The following LRRC4C variants were observed in gnomAD, a reference collection of about 807,000 sequenced individuals.
LRRC4C encodes leucine rich repeat containing 4C, also known as leucine-rich repeat-containing protein 4C.
LRRC4C carries 5 observed loss-of-function variants against 33.6 expected under a neutral mutation model. That is an observed-to-expected ratio of 0.15 (90% CI 0.08 to 0.31). The LOEUF is 0.31. Ranked by LOEUF, LRRC4C falls within the 10% of genes least tolerant of loss-of-function variation. LRRC4C has a pLI of 1.00. For missense variants in LRRC4C, 560 were observed against 796.7 expected (o/e 0.70, Z 3.58); for synonymous variants, 329 against 302.0 (o/e 1.09, Z -0.93).
chr11:41,293,448 G>T (rs1263005499), intron 1 of LRRC4C, among the ~76,000 whole-genome samples: 3 of 152,066 alleles, frequency 2.0e-5, no homozygotes, highest in Non-Finnish European at 4.4e-5. Context: ...TTAGACTGTT[G>T]ATGAGAGGCA....
chr11:40,653,607 G>C (rs962634274), intron 2 of LRRC4C, among the ~76,000 whole-genome samples: 1 of 152,142 alleles, frequency 6.6e-6, no homozygotes, highest in African/African-American at 2.4e-5. Context: ...ATATGGTTTG[G>C]AATTGAAACT....
chr11:40,609,551 G>A (rs1327570393), intron 3 of LRRC4C, among the ~76,000 whole-genome samples: 1 of 151,674 alleles, frequency 6.6e-6, no homozygotes, highest in African/African-American at 2.4e-5. Flanking sequence ...CAAAATAAAG[G>A]TTAGAGCAGA....
At chr11:40,239,407 C>T (rs931930212) in intron 5 of LRRC4C, among the ~76,000 whole-genome samples, 1 of 152,092 alleles carries the variant, frequency 6.6e-6, no homozygotes, top group Non-Finnish European at 1.5e-5. Context: ...TTAAATTGAA[C>T]TTAAAATATG....
chr11:40,728,929 G>T (rs1177022459), intron 2 of LRRC4C, among the ~76,000 whole-genome samples: 1 of 142,638 alleles, frequency 7.0e-6, no homozygotes, highest in African/African-American at 2.6e-5. Context: ...CTAATTCTTG[G>T]GTACACATCG....
chr11:40,567,177 G>A (rs1330989760), intron 3 of LRRC4C, among the ~76,000 whole-genome samples: 1 of 152,088 alleles, frequency 6.6e-6, no homozygotes, highest in Non-Finnish European at 1.5e-5. Flanking sequence ...TAATTTTATA[G>A]TACTGCCTCT....
chr11:40,326,397 A>C lies in LRRC4C; in HGVS notation c.-269-6676T>G, dbSNP rs527555140. ...GACATGATGGTGAAACCCAGTCTCTACTAAAAATACAAAAATTAGCTGGGC... is the reference window on the plus strand; with the variant it reads ...GACATGATGGTGAAACCCAGTCTCTCCTAAAAATACAAAAATTAGCTGGGC... On this transcript the variant is annotated intron_variant, in intron 3 of 6. Transcript: ENST00000528697. Among the ~76,000 whole-genome samples the C allele has an allele frequency of 5.9e-5, 9 of 152,198 alleles. No individual in the cohort carries two copies. The East Asian group carries it at 1.7e-3, about 29-fold the overall frequency.
At chr11:40,364,078 G>A (rs1295279923) in intron 3 of LRRC4C, among the ~76,000 whole-genome samples, 2 of 152,036 alleles carry the variant, frequency 1.3e-5, no homozygotes, top group African/African-American at 4.8e-5. Context: ...ATAGCACTAT[G>A]TAACTTAACT....
chr11:40,178,917 A>T (rs1860742344), intron 5 of LRRC4C, among the ~76,000 whole-genome samples: 1 of 152,064 alleles, frequency 6.6e-6, no homozygotes, highest in South Asian at 2.1e-4. Flanking sequence ...TTCTCTTCCT[A>T]GCCCCAGGTT....
In LRRC4C at chr11:41,028,949, G is replaced by A. The variant is rs11036196; in HGVS notation, c.-495-95226C>T. Among the ~76,000 whole-genome samples, 18 of 151,756 alleles carry A rather than the reference G, an allele frequency of 1.2e-4. 1 individual carries two copies. In the East Asian group the frequency reaches 3.5e-3, roughly 29 times the overall value. ...ATAAATTGATAATTTATCCAGATAT[G>A]AGACTCAGCATCACACATTTATATG... On this transcript the variant is annotated intron_variant, in intron 1 of 6. Coordinates refer to ENST00000528697, the MANE Select transcript of LRRC4C (RefSeq NM_001258419.2).
chr11:40,328,576 C>A (rs984843239), intron 3 of LRRC4C, among the ~76,000 whole-genome samples: 6 of 152,062 alleles, frequency 3.9e-5, no homozygotes, highest in Non-Finnish European at 2.9e-5. Context: ...GAATAGTCAA[C>A]CATTGGAATA....
At chr11:40,287,928 T>C (rs1417871694) in intron 4 of LRRC4C, among the ~76,000 whole-genome samples, 1 of 152,240 alleles carries the variant, frequency 6.6e-6, no homozygotes, top group Non-Finnish European at 1.5e-5. Flanking sequence ...TCTTTCTTAG[T>C]CTATGCCAAT....
At chr11:41,008,039 T>C (rs1404295926) in intron 1 of LRRC4C, among the ~76,000 whole-genome samples, 1 of 152,142 alleles carries the variant, frequency 6.6e-6, no homozygotes. Flanking sequence ...CAATATTCCA[T>C]ATTCTTTCAT....
At chr11:40,589,898 G>T (rs1362539826) in intron 3 of LRRC4C, among the ~76,000 whole-genome samples, 2 of 149,628 alleles carry the variant, frequency 1.3e-5, no homozygotes, top group Middle Eastern at 7.0e-3. Flanking sequence ...TTTCTCTCTG[G>T]CTGCCCTTAA....
intron 3 of LRRC4C, among the ~76,000 whole-genome samples, chr11:40,495,017 T>C (rs1565445021): frequency 6.6e-6 from 1 of 152,304 alleles, no homozygotes; most frequent in Admixed American, 6.5e-5. Context: ...TTCAGCACAG[T>C]GCTAAGGAGA....
chr11:40,364,795 G>T (rs767073165), intron 3 of LRRC4C, among the ~76,000 whole-genome samples: 3 of 151,738 alleles, frequency 2.0e-5, no homozygotes, highest in Non-Finnish European at 4.4e-5. Flanking sequence ...CTTATAAACA[G>T]CCAAAATAGA....
At position 40,789,774 on chromosome 11, in the gene LRRC4C, T is replaced by C. The variant is rs550785182; in HGVS notation, c.-406-141496A>G. 2.6e-5 allele frequency among the ~76,000 whole-genome samples: 4 copies of C among 152,292 alleles called. No individual in the cohort carries two copies. The East Asian group carries it at 7.7e-4, about 29-fold the overall frequency. On this transcript the variant is annotated intron_variant, in intron 2 of 6. Transcript: ENST00000528697. ...TTGAGCCAAATATCTTCCAAGGTAA[T>C]GAAGAATACAAGCAAAATATTCTCT...
chr11:40,231,671 G>A (rs560714238), intron 5 of LRRC4C, among the ~76,000 whole-genome samples: 1 of 151,950 alleles, frequency 6.6e-6, no homozygotes, highest in Non-Finnish European at 1.5e-5. Flanking sequence ...ATATAAACAG[G>A]TTTATAGATG....
At chr11:40,591,603 G>A (rs892744490) in intron 3 of LRRC4C, among the ~76,000 whole-genome samples, 1 of 152,112 alleles carries the variant, frequency 6.6e-6, no homozygotes, top group Admixed American at 6.6e-5. Context: ...AAGAATAAAC[G>A]ATTCATTCAA....
At chr11:41,161,011 T>C (rs544123113) in intron 1 of LRRC4C, among the ~76,000 whole-genome samples, 1 of 152,310 alleles carries the variant, frequency 6.6e-6, no homozygotes, top group South Asian at 2.1e-4. Context: ...GACATGATGT[T>C]CTTATGTGCT....
Sources: allele counts gnomAD v4.1 joint callset (sites outside exome capture counted in the v4.1 genomes callset), GRCh38; gene constraint gnomAD v4.1.1; transcripts MANE v1.5; gene names NCBI Gene and HGNC (gene_info 2026-07-23, HGNC 2026-07-21).